The following P2RX5 variants were observed in gnomAD, a reference collection of about 807,000 sequenced individuals.
The protein encoded by P2RX5 is purinergic receptor P2X 5, also known as P2X purinoceptor 5.
A neutral mutation model predicts 54.1 loss-of-function variants in P2RX5; 46 were observed. The observed-to-expected ratio is 0.85, with a 90% CI of 0.67 to 1.09. The LOEUF (loss-of-function observed/expected upper bound fraction) is 1.09, where lower values mean the gene tolerates loss of function less well. Ranked by LOEUF, P2RX5 falls within the 50% of genes least tolerant of loss-of-function variation. The pLI is 0.00. For synonymous variants in P2RX5, 226 were observed against 226.4 expected, an observed-to-expected ratio of 1.00 and a Z score of 0.02; for missense variants, 566 against 549.8, an observed-to-expected ratio of 1.03 and a Z score of -0.29.
intron 2 of P2RX5, among the ~76,000 whole-genome samples, chr17:3,691,431 G>C (rs112249640): frequency 3.3e-5 from 5 of 152,374 alleles, no homozygotes; most frequent in South Asian, 4.1e-4. Context: ...AGATAGAACA[G>C]AGCAGTCACC....
At chr17:3,712,006 TAACA>T in the P2RX5 span, among the ~76,000 whole-genome samples, 96,298 of 151,858 alleles carry the variant, frequency 0.63, 31,568 homozygotes, top group African/African-American at 0.75. Context: ...AGTAAGTCAA[TAACA>T]AACAGGCTTC....
the P2RX5 span, among the ~76,000 whole-genome samples, chr17:3,719,234 T>TAAAAAAAAAAAAAAA: frequency 1.4e-4 from 5 of 34,766 alleles, 1 homozygote; most frequent in African/African-American, 6.1e-4. Flanking sequence ...AGATTCTTCC[T>TAAAAAAAAAAAAAAA]CAAAAAAAAA....
intron 3 of P2RX5, 29 bp downstream of exon 3, chr17:3,690,927 C>T (rs745965456): frequency 1.3e-6 from 2 of 1,598,606 alleles, no homozygotes; most frequent in African/African-American, 1.3e-5. Context: ...TCTCCCACCC[C>T]CACGCCAGGG....
upstream of P2RX5, among the ~76,000 whole-genome samples, chr17:3,698,561 T>C (rs953493616): frequency 6.6e-6 from 1 of 152,190 alleles, no homozygotes; most frequent in African/African-American, 2.4e-5. Flanking sequence ...TCTGCTGTTC[T>C]TGATTCATCA....
At chr17:3,700,992 G>A (rs1010786673), upstream of P2RX5, among the ~76,000 whole-genome samples, 5 of 152,022 alleles carry the variant, frequency 3.3e-5, no homozygotes, top group African/African-American at 9.7e-5. Flanking sequence ...GCCTCACCAC[G>A]GCCCCCCTCC....
chr17:3,675,957 G>A, intron 11 of P2RX5: 2 of 985,346 alleles, frequency 2.0e-6, no homozygotes, highest in Non-Finnish European at 2.4e-6. Context: ...TTCCTGTTCT[G>A]GAGACCATGT....
chr17:3,723,382 T>A, the P2RX5 span: 1 of 1,610,812 alleles, frequency 6.2e-7, no homozygotes, highest in Non-Finnish European at 8.5e-7. Context: ...TTCTTCCACA[T>A]GCTGGAAAAG....
At chr17:3,691,553 G>T in intron 2 of P2RX5, 91 bp downstream of exon 2, 2 of 1,486,958 alleles carry the variant, frequency 1.3e-6, no homozygotes. Flanking sequence ...ATGGATGGGG[G>T]TCCCTGCGTA....
chr17:3,674,389 A>G (rs2142993809), intron 11 of P2RX5, among the ~76,000 whole-genome samples: 1 of 152,044 alleles, frequency 6.6e-6, no homozygotes, highest in African/African-American at 2.4e-5. Flanking sequence ...CTCTTGCACC[A>G]AGATTATGCA....
chr17:3,723,028 C>T, the P2RX5 span, among the ~76,000 whole-genome samples: 2 of 152,172 alleles, frequency 1.3e-5, no homozygotes, highest in African/African-American at 4.8e-5. Flanking sequence ...CCTGAAATGG[C>T]AGGGCTTGCT....
chr17:3,716,784 G>T, the P2RX5 span: 1 of 1,587,886 alleles, frequency 6.3e-7, no homozygotes, highest in Non-Finnish European at 8.6e-7. Flanking sequence ...CATCTTTCAG[G>T]AAGACGACAG....
chr17:3,675,798 G>A (rs1042506725), intron 11 of P2RX5: 11 of 915,956 alleles, frequency 1.2e-5, no homozygotes, highest in Non-Finnish European at 1.4e-5. Flanking sequence ...TGATCCACCC[G>A]CCTCGGCCTC....
chr17:3,674,258 C>G (rs755589724), intron 11 of P2RX5, among the ~76,000 whole-genome samples: 74 of 152,074 alleles, frequency 4.9e-4, no homozygotes, highest in Non-Finnish European at 8.8e-4. Context: ...TTGCAGTGAG[C>G]CGAGATCGCG....
intron 11 of P2RX5, chr17:3,676,236 G>C (rs1228807404): frequency 1.0e-6 from 1 of 985,442 alleles, no homozygotes; most frequent in South Asian, 4.7e-5. Context: ...GAGCTAGTCA[G>C]CTCCCAAGCC....
chr17:3,716,170 CAA>C, the P2RX5 span, among the ~76,000 whole-genome samples: 17 of 137,098 alleles, frequency 1.2e-4, no homozygotes, highest in Admixed American at 1.5e-4. Context: ...AACTCCGTCT[CAA>C]AAAAAAAAAA....
the P2RX5 span, among the ~76,000 whole-genome samples, chr17:3,712,438 A>G: frequency 0.38 from 57,570 of 152,008 alleles, 13,030 homozygotes; most frequent in South Asian, 0.59. Context: ...CGGGGCTGGG[A>G]TAACAGGCAG....
the P2RX5 span, among the ~76,000 whole-genome samples, chr17:3,716,138 T>A: frequency 1.3e-5 from 2 of 149,480 alleles, no homozygotes; most frequent in Admixed American, 6.7e-5. Context: ...ACCACCGCAC[T>A]CAAGCCTGGG....
intron 9 of P2RX5, among the ~76,000 whole-genome samples, chr17:3,684,773 C>A (rs989036428): frequency 2.0e-5 from 3 of 151,352 alleles, no homozygotes; most frequent in Non-Finnish European, 4.4e-5. Flanking sequence ...ACACAGAATT[C>A]TCCCACCCAA....
intron 6 of P2RX5, 145 bp from the exon 7 acceptor site, chr17:3,689,775 C>T: frequency 9.8e-7 from 1 of 1,024,916 alleles, no homozygotes. Flanking sequence ...AAGGGGCGCC[C>T]CAGCACCACC....
Sources: allele counts gnomAD v4.1 joint callset (sites outside exome capture counted in the v4.1 genomes callset), GRCh38; gene constraint gnomAD v4.1.1; transcripts MANE v1.5; gene names NCBI Gene and HGNC (gene_info 2026-07-23, HGNC 2026-07-21).